PTPRT: variants seen among roughly 807,000 people sequenced by gnomAD.
PTPRT encodes the protein receptor-type tyrosine-protein phosphatase T.
Under a neutral mutation model 176.8 loss-of-function variants are expected in PTPRT, and 56 were observed. The ratio of observed to expected loss-of-function variants is 0.32; its 90% confidence interval spans 0.26 to 0.40. The LOEUF is 0.40. PTPRT is among the 10% of genes least tolerant of loss of function. The pLI, the probability that PTPRT is intolerant of heterozygous loss-of-function variation, is 1.00. For synonymous variants in PTPRT, 783 were observed against 739.0 expected, an observed-to-expected ratio of 1.06 and a Z score of -0.96; for missense variants, 1,540 against 1,908.2, an observed-to-expected ratio of 0.81 and a Z score of 3.60.
At position 42,558,827 on chromosome 20, in the gene PTPRT, G is replaced by A. The variant is rs562336358; in HGVS notation, c.1154-86265C>T. 3.3e-5 allele frequency among the ~76,000 whole-genome samples: 5 copies of A among 152,232 alleles called. No homozygotes were observed. The South Asian group carries it at 1.0e-3, about 32-fold the overall frequency. ...TGCTCCATGCCAGCTTGTGGCTGAT[G>A]CAAAGCTAGCTGGCCAGAAATAGGA... On this transcript the variant is annotated intron_variant, in intron 7 of 30. Transcript: ENST00000373187.
chr20:42,837,015 C>T (rs964280912), intron 2 of PTPRT, among the ~76,000 whole-genome samples: 2 of 152,178 alleles, frequency 1.3e-5, no homozygotes, highest in Admixed American at 6.5e-5. Flanking sequence ...ACTTAACTGC[C>T]GCACCGCATG....
At chr20:43,034,076 G>T (rs1986265986) in intron 1 of PTPRT, among the ~76,000 whole-genome samples, 1 of 152,186 alleles carries the variant, frequency 6.6e-6, no homozygotes, top group Non-Finnish European at 1.5e-5. Flanking sequence ...TGGGTCCGGG[G>T]GCCTCTGCCC....
the PTPRT span, among the ~76,000 whole-genome samples, chr20:42,060,215 C>G: frequency 6.6e-6 from 1 of 152,156 alleles, no homozygotes; most frequent in Non-Finnish European, 1.5e-5. Flanking sequence ...ATTCAGGTTT[C>G]CTCATTCCTG....
intron 6 of PTPRT, among the ~76,000 whole-genome samples, chr20:42,708,909 C>T (rs1052239291): frequency 6.6e-6 from 1 of 152,300 alleles, no homozygotes; most frequent in South Asian, 2.1e-4. Flanking sequence ...CAGAATTACA[C>T]TGTTAAAGGT....
chr20:42,219,330 T>TG (rs1390317970), intron 15 of PTPRT, among the ~76,000 whole-genome samples: 1 of 152,170 alleles, frequency 6.6e-6, no homozygotes, highest in Non-Finnish European at 1.5e-5. Context: ...CTGAGAGGAC[T>TG]GGGGAGACCT....
At chr20:43,155,313 T>C (rs889475670) in intron 1 of PTPRT, among the ~76,000 whole-genome samples, 1 of 152,202 alleles carries the variant, frequency 6.6e-6, no homozygotes, top group African/African-American at 2.4e-5. Flanking sequence ...AAAGAAAATG[T>C]GGTAAATATA....
In PTPRT at chr20:42,078,816, T is replaced by C. The variant is rs767355914; in HGVS notation, c.*2063A>G. ...CTGAGTTTCCTTTTTTTCCTTTTTA[T>C]GCTTGTTAAGACCCAGCAGGAATGG... On this transcript the variant is annotated 3_prime_UTR_variant, in exon 31 of 31. Transcript: ENST00000373187. 4.0e-5 allele frequency: 7 copies of C among 174,156 alleles called. No individual in the cohort carries two copies. Among genetic ancestry groups the C allele is most frequent in the Non-Finnish European group, 8.7e-5 (7 of 80,684 alleles). The allele number at this position is 174,156 out of a possible 1,614,324, so 10.8% of individuals were successfully genotyped here. A position where few individuals can be genotyped will look rare whatever the true frequency, so the allele number is the denominator to read the frequency against.
intron 11 of PTPRT, among the ~76,000 whole-genome samples, chr20:42,336,061 A>G (rs2058035301): frequency 6.6e-6 from 1 of 152,202 alleles, no homozygotes; most frequent in Non-Finnish European, 1.5e-5. Flanking sequence ...GAGTTAATAT[A>G]CATAAAGAAC....
the PTPRT span, among the ~76,000 whole-genome samples, chr20:42,042,901 G>T: frequency 6.6e-6 from 1 of 152,270 alleles, no homozygotes. Context: ...CCCCAACACA[G>T]CTGTAGCTGG....
chr20:42,594,366 C>T (rs987887413), intron 7 of PTPRT, among the ~76,000 whole-genome samples: 1 of 152,154 alleles, frequency 6.6e-6, no homozygotes, highest in Admixed American at 6.5e-5. Flanking sequence ...AAACAGACTA[C>T]AGGCATTAAT....
intron 1 of PTPRT, among the ~76,000 whole-genome samples, chr20:43,132,782 A>G (rs2013684839): frequency 6.6e-6 from 1 of 152,354 alleles, no homozygotes; most frequent in African/African-American, 2.4e-5. Flanking sequence ...AGGTATTTCA[A>G]ATCTGTAAGG....
intron 1 of PTPRT, among the ~76,000 whole-genome samples, chr20:43,188,018 C>A (rs186454835): frequency 6.6e-6 from 1 of 152,248 alleles, no homozygotes; most frequent in Admixed American, 6.5e-5. Context: ...AAGAACGATT[C>A]GAGACCCGTG....
At position 42,283,413 on chromosome 20, in the gene PTPRT, C is replaced by T. The variant is rs16986730; in HGVS notation, c.2140-888G>A. Among the ~76,000 whole-genome samples, 188 of 152,248 alleles carry T rather than the reference C, an allele frequency of 1.2e-3. 3 individuals are homozygous for T. The East Asian group carries it at 0.033, about 26-fold the overall frequency. On this transcript the variant is annotated intron_variant, in intron 12 of 30. Transcript: ENST00000373187. ...TCATCCAATTCTTGTCTTGCTGCAG[C>T]TCATTCACAAAGAACCATTGCATCT...
chr20:42,411,517 C>CAAAAA (rs10591184), intron 9 of PTPRT, among the ~76,000 whole-genome samples: 9 of 88,322 alleles, frequency 1.0e-4, no homozygotes, highest in African/African-American at 2.2e-4. Context: ...AACCCTGTCT[C>CAAAAA]AAAAAAAAAA....
chr20:42,758,304 C>T (rs151088050), intron 5 of PTPRT, among the ~76,000 whole-genome samples: 1 of 152,294 alleles, frequency 6.6e-6, no homozygotes, highest in Non-Finnish European at 1.5e-5. Flanking sequence ...TCATCTATGT[C>T]ATCTTTCCTC....
chr20:42,643,468 C>T (rs1025385583), intron 7 of PTPRT, among the ~76,000 whole-genome samples: 2 of 151,998 alleles, frequency 1.3e-5, no homozygotes, highest in Non-Finnish European at 2.9e-5. Context: ...ACTACAGGTA[C>T]ATGCCTCCAC....
intron 1 of PTPRT, among the ~76,000 whole-genome samples, chr20:43,087,362 C>T (rs200518484): frequency 3.9e-5 from 2 of 51,346 alleles, no homozygotes. Context: ...CACTGTCCGT[C>T]CTTTTTTTTT....
intron 2 of PTPRT, among the ~76,000 whole-genome samples, chr20:42,883,724 ATACACCCCCATACACTCT>A (rs2079048570): frequency 2.3e-4 from 31 of 132,578 alleles, no homozygotes; most frequent in South Asian, 5.0e-4. Flanking sequence ...ACACACACCC[ATACACCCCCATACACTCT>A]CACACATACC....
At chr20:42,841,610 TACACACACACAC>T (rs3973897) in intron 2 of PTPRT, among the ~76,000 whole-genome samples, 35,760 of 140,950 alleles carry the variant, frequency 0.25, 4,555 homozygotes, top group Admixed American at 0.33. Flanking sequence ...TAGTGTTAAA[TACACACACACAC>T]ACACACACAC....
Sources: gnomAD v4.1 joint callset for allele counts (sites outside exome capture counted in the v4.1 genomes callset) on GRCh38, gnomAD v4.1.1 for gene constraint, MANE v1.5 for transcripts, NCBI Gene and HGNC (gene_info 2026-07-23, HGNC 2026-07-21) for gene names.